Variants in DMPK observed in about 807,000 individuals in gnomAD.
DMPK encodes the protein myotonin-protein kinase.
Under a neutral mutation model 70.3 loss-of-function variants are expected in DMPK, and 32 were observed. The observed-to-expected ratio is 0.46, with a 90% CI of 0.34 to 0.61. DMPK has a LOEUF of 0.61. Among genes scored for constraint, DMPK ranks in the 20% least tolerant of loss-of-function variants. DMPK has a pLI of 0.01. For synonymous variants in DMPK, 469 were observed against 390.9 expected, an observed-to-expected ratio of 1.20 and a Z score of -2.36; for missense variants, 899 against 886.0, an observed-to-expected ratio of 1.01 and a Z score of -0.19.
At chr19:45,780,714 T>G in intron 1 of DMPK, 3 of 698,470 alleles carry the variant, frequency 4.3e-6, no homozygotes, top group Non-Finnish European at 5.3e-6. Context: ...AGACAGTGGG[T>G]TCTGGAGGAA....
rs1444054450 is a variant in DMPK, at chr19:45,771,355, A to C, written c.1642T>G (p.Ser548Ala). Reference sequence around the variant, plus strand: ...GGGAAAGAGAGGGGTCTTACATGGGAAGGTGGATCCGTGGCCCGGGGACTG... The same window carrying C: ...GGGAAAGAGAGGGGTCTTACATGGGCAGGTGGATCCGTGGCCCGGGGACTG... ...VPSPRATDPP[S>A]HLDGPPAVAV... is the part of the protein sequence containing the mutation. The change falls in exon 13 of 15, where the codon TCC becomes GCC. Residue 548 changes from serine (S) to alanine (A), a missense_variant. Ser to Ala is a moderately conservative substitution (Grantham distance 99, BLOSUM62 1). Transcript: ENST00000291270. 1 of 1,597,610 alleles carries C rather than the reference A, an allele frequency of 6.3e-7. No homozygotes were observed. Among genetic ancestry groups the C allele is most frequent in the South Asian group, 1.1e-5 (1 of 89,458 alleles).
In DMPK at chr19:45,778,875, G is replaced by A. The variant is rs531022115; in HGVS notation, c.433-234C>T. The A allele has an allele frequency of 8.9e-6, 5 of 563,702 alleles. No homozygotes were observed. In the East Asian group the frequency reaches 1.2e-4, roughly 13 times the overall value. The allele number at this position is 563,702 out of a possible 1,614,324, so 34.9% of individuals were successfully genotyped here. The stretch of plus-strand genomic sequence containing the variant: ...AACTTTCCTGGGATGTCACTGGGCA[G>A]ATTCACTCCCCCTGAGATGTTCTGG... On this transcript the variant is annotated intron_variant, in intron 4 of 14. Transcript: ENST00000291270.
At position 45,777,564 on chromosome 19, in the gene DMPK, G is replaced by C. The variant is rs200058479; in HGVS notation, c.909C>G (p.Asp303Glu). 6.2e-7 allele frequency: 1 copy of C among 1,613,524 alleles called. No individual in the cohort carries two copies. Reference protein sequence around the residue: ...YKEHLSLPLVDEGVPEEARDF... With the variant: ...YKEHLSLPLVEEGVPEEARDF... The stretch of plus-strand genomic sequence containing the variant: ...CTCGAGCCTCCTCAGGGACCCCTTC[G>C]TCCACCAGCGGCAGAGAGAGGTGCT... Residue 303 changes from aspartate (D) to glutamate (E), a missense_variant, in exon 8 of 15, where the codon GAC becomes GAG. Asp to Glu is a conservative substitution (Grantham distance 45, BLOSUM62 2). This residue lies in a region of DMPK where 555 missense variants were observed against 483.8 expected (regional missense o/e 1.15). Transcript: ENST00000291270. The surrounding 1 kb of genome is among the most constrained non-coding windows in gnomAD (Gnocchi z 6.7).
rs1409069840 is a variant in DMPK at position 45,770,463 on chromosome 19, C to G, written c.*25G>C. 6 of 1,549,286 alleles carry G rather than the reference C, an allele frequency of 3.9e-6. No homozygotes were observed. Among genetic ancestry groups the G allele is most frequent in the Non-Finnish European group, 4.4e-6 (5 of 1,146,722 alleles). On this transcript the variant is annotated 3_prime_UTR_variant, in exon 15 of 15. Coordinates refer to ENST00000291270, the MANE Select transcript of DMPK (RefSeq NM_004409.5). The stretch of plus-strand genomic sequence containing the variant: ...GGGCACTCAGTCTTCCAACGGGGCC[C>G]CGGAGTCGAAGACAGTTCTAGGGTT...
At chr19:45,780,664 T>C (rs1175025536) in intron 1 of DMPK, 16 of 972,180 alleles carry the variant, frequency 1.6e-5, no homozygotes, top group Non-Finnish European at 1.8e-5. Flanking sequence ...GGAGGCAGGA[T>C]GGAGAGAGGG....
Position 45,770,623 on chromosome 19 carries a change from T to TAGGCC in DMPK, c.1750_1754dup (p.Ser586AlafsTer49), listed in dbSNP as rs1198756697. 1.1e-5 allele frequency: 17 copies of TAGGCC among 1,552,392 alleles called. No individual in the cohort carries two copies. In the Admixed American group the frequency reaches 3.1e-4, roughly 29 times the overall value. The stretch of plus-strand genomic sequence containing the variant: ...ACAGGAGCAGGGAAAGCGCCTCCGA[T>TAGGCC]AGGCCAGGCCTAGGGACCTGCGGGG... On this transcript the variant is annotated frameshift_variant, in exon 15 of 15. Coordinates refer to ENST00000291270, the MANE Select transcript of DMPK (RefSeq NM_004409.5). LOFTEE classifies it high-confidence loss of function.
At chr19:45,772,020 C>T in intron 10 of DMPK, 92 bp from the exon 11 acceptor site, 1 of 1,426,886 alleles carries the variant, frequency 7.0e-7, no homozygotes, top group Non-Finnish European at 9.2e-7. Context: ...CTTGTTTATC[C>T]CCTACTCCTC....
In DMPK at chr19:45,770,974, G is replaced by T; in HGVS notation, c.1734C>A (p.Ala578=). Residue 578 remains alanine (A), a synonymous_variant, in exon 14 of 15, where the codon GCC becomes GCA. Transcript: ENST00000291270. ...GGGCGTGGGCAGCCGGACGTACCCT[G>T]GCAGGGAGCAGCAGGTGGCGGCGGT... ...PMHRRHLLLP[A]RVPRPGLSEA... is the part of the protein sequence containing the mutation. 7.0e-7 allele frequency: 1 copy of T among 1,428,068 alleles called. No individual in the cohort carries two copies. The allele number at this position is 1,428,068 out of a possible 1,614,324, so 88.5% of individuals were successfully genotyped here. A position where few individuals can be genotyped will look rare whatever the true frequency, so the allele number is the denominator to read the frequency against.
chr19:45,772,507 T>TCGTCTCTC (rs1969523292), intron 10 of DMPK, 134 bp downstream of exon 10: 1 of 564,832 alleles, frequency 1.8e-6, no homozygotes, highest in African/African-American at 2.0e-5. Context: ...TGAAGTAACC[T>TCGTCTCTC]CGTCTCTCCG....
Position 45,779,632 on chromosome 19 carries a change from A to T in DMPK, c.253-110T>A, listed in dbSNP as rs2070737. On this transcript the variant is annotated intron_variant, in intron 2 of 14. Coordinates refer to ENST00000291270, the MANE Select transcript of DMPK (RefSeq NM_004409.5). ...CAGCCGTGGCCCCGCCCCACCTGCC[A>T]CACCACGCCCATTGGTCCCAAGCCC... The T allele has an allele frequency of 0.35, 539,495 of 1,558,492 alleles. 95,680 individuals carry two copies. The highest frequency in any genetic ancestry group is 0.38 in the Middle Eastern group (1,629 of 4,294).
intron 9 of DMPK, among the ~76,000 whole-genome samples, chr19:45,773,039 C>G (rs1969564225): frequency 6.6e-6 from 1 of 152,224 alleles, no homozygotes; most frequent in Non-Finnish European, 1.5e-5. Context: ...CAGCTCATCT[C>G]CTCCCTTGAC....
At chr19:45,770,668 C>T (rs370518944) in intron 14 of DMPK, 28 bp from the exon 15 acceptor site, 123 of 1,546,488 alleles carry the variant, frequency 8.0e-5, no homozygotes, top group Non-Finnish European at 1.1e-4. Flanking sequence ...GGTCAACACC[C>T]GGCATGGGCC....
Position 45,777,703 on chromosome 19 carries a change from G to A in DMPK, c.846C>T (p.Ser282=), listed in dbSNP as rs1487817958. ...FYGQTPFYAD[S]TAETYGKIVH... is the part of the protein sequence containing the mutation. ...CGATCTTGCCATAGGTCTCCGCCGT[G>A]GAATCCGCGTAGAAGGGCGTCTGCC... Residue 282 remains serine, a synonymous_variant, in exon 7 of 15, where the codon TCC becomes TCT. Coordinates refer to ENST00000291270, the MANE Select transcript of DMPK (RefSeq NM_004409.5). This position sits in a 1 kb window ranked among gnomAD's most constrained non-coding sequence, Gnocchi z 6.7. 16 of 1,613,900 alleles carry A rather than the reference G, an allele frequency of 9.9e-6. No homozygotes were observed. The South Asian group carries it at 1.8e-4, about 18-fold the overall frequency.
Position 45,770,082 on chromosome 19 carries a change from G to C in DMPK, c.*406C>G, listed in dbSNP as rs1341727746. The C allele has an allele frequency of 1.1e-5, 6 of 528,846 alleles. No homozygotes were observed. Among genetic ancestry groups the C allele is most frequent in the Non-Finnish European group, 2.1e-5 (6 of 287,046 alleles). 32.8% of individuals were successfully genotyped at this position (528,846 alleles called of 1,614,324 possible). ...CTTTGCACTTTGCGAACCAACGATA[G>C]GTGGGGGTGCGTGGAGGATGGAACA... is the stretch of plus-strand genomic sequence containing the variant. On this transcript the variant is annotated 3_prime_UTR_variant, in exon 15 of 15. Transcript: ENST00000291270.
Position 45,782,452 on chromosome 19 carries a change from G to C in DMPK, c.-100C>G. The C allele has an allele frequency of 7.5e-7, 1 of 1,329,754 alleles. No individual in the cohort carries two copies. Among genetic ancestry groups the C allele is most frequent in the Non-Finnish European group, 9.9e-7 (1 of 1,007,244 alleles). The allele number at this position is 1,329,754 out of a possible 1,614,324, so 82.4% of individuals were successfully genotyped here. A position where few individuals can be genotyped will look rare whatever the true frequency, so the allele number is the denominator to read the frequency against. On this transcript the variant is annotated 5_prime_UTR_variant, in exon 1 of 15. Transcript: ENST00000291270. Reference sequence around the variant, plus strand: ...CTGTCCAGGCCCTGGAGCCCTGGCTGCATGTCTGCCTGTCCCTGGCTGTCC... The same window carrying C: ...CTGTCCAGGCCCTGGAGCCCTGGCTCCATGTCTGCCTGTCCCTGGCTGTCC...
Position 45,779,689 on chromosome 19 carries a change from C to T in DMPK, c.252+89G>A, listed in dbSNP as rs936789923. 8 of 1,531,350 alleles carry T rather than the reference C, an allele frequency of 5.2e-6. No individual in the cohort carries two copies. In the African/African-American group the frequency reaches 9.7e-5, roughly 19 times the overall value. 94.9% of individuals were successfully genotyped at this position (1,531,350 alleles called of 1,614,324 possible). A position where few individuals can be genotyped will look rare whatever the true frequency, so the allele number is the denominator to read the frequency against. ...CAGCCCAGCCCTAGGTTCTAAGGCT[C>T]GGTCATTCATCAATTTCTAAGGCCC... On this transcript the variant is annotated intron_variant, in intron 2 of 14. Coordinates refer to ENST00000291270, the MANE Select transcript of DMPK (RefSeq NM_004409.5).
Position 45,777,143 on chromosome 19 carries a change from G to T in DMPK, c.1146+184C>A. 1.2e-6 allele frequency: 1 copy of T among 813,216 alleles called. No individual in the cohort carries two copies. Among genetic ancestry groups the T allele is most frequent in the Non-Finnish European group, 1.8e-6 (1 of 541,928 alleles). The allele number at this position is 813,216 out of a possible 1,614,324, so 50.4% of individuals were successfully genotyped here. On this transcript the variant is annotated intron_variant, in intron 8 of 14. Coordinates refer to ENST00000291270, the MANE Select transcript of DMPK (RefSeq NM_004409.5). This position sits in a 1 kb window ranked among gnomAD's most constrained non-coding sequence, Gnocchi z 6.7. ...GGCCTTACTGTCTGAAGACTGCTCT[G>T]TGTTCCCCCACTGGACTGTAAGTCT...
chr19:45,777,246 G>A lies in DMPK; in HGVS notation c.1146+81C>T, dbSNP rs1969820463. On this transcript the variant is annotated intron_variant, in intron 8 of 14. Transcript: ENST00000291270. This position sits in a 1 kb window ranked among gnomAD's most constrained non-coding sequence, Gnocchi z 6.7. ...GAATGAGTGATTCAGGACCCCAGAAGGTAGGCACTGTCCTTACTCCAACTT... is the reference window on the plus strand; with the variant it reads ...GAATGAGTGATTCAGGACCCCAGAAAGTAGGCACTGTCCTTACTCCAACTT... 3 of 1,456,696 alleles carry A rather than the reference G, an allele frequency of 2.1e-6. No individual in the cohort carries two copies. Among genetic ancestry groups the A allele is most frequent in the Admixed American group, 5.4e-5 (2 of 37,010 alleles). The allele number at this position is 1,456,696 out of a possible 1,614,324, so 90.2% of individuals were successfully genotyped here.
At chr19:45,781,610 G>A (rs1026674257) in intron 1 of DMPK, among the ~76,000 whole-genome samples, 5 of 152,220 alleles carry the variant, frequency 3.3e-5, no homozygotes, top group East Asian at 1.9e-4. Context: ...CTCCTGGATC[G>A]CAGAGGAGGG....
Sources: gnomAD v4.1 joint callset for allele counts (sites outside exome capture counted in the v4.1 genomes callset) on GRCh38, gnomAD v4.1.1 for gene constraint, gnomAD v4.1.1 regional missense constraint, Gnocchi (gnomAD v3.1) non-coding constraint, MANE v1.5 for transcripts, NCBI Gene and HGNC (gene_info 2026-07-23, HGNC 2026-07-21) for gene names.